RPH3A: variants seen among roughly 807,000 people sequenced by gnomAD.
RPH3A encodes the protein rabphilin 3A.
A neutral mutation model predicts 102.2 loss-of-function variants in RPH3A; 48 were observed. The observed-to-expected ratio is 0.47, with a 90% CI of 0.37 to 0.60. The LOEUF is 0.60. Ranked by LOEUF, RPH3A falls within the 20% of genes least tolerant of loss-of-function variation. The pLI, the probability that RPH3A is intolerant of heterozygous loss-of-function variation, is 0.00. For synonymous variants in RPH3A, 310 were observed against 324.3 expected, an observed-to-expected ratio of 0.96 and a Z score of 0.47; for missense variants, 781 against 910.1, an observed-to-expected ratio of 0.86 and a Z score of 1.83.
At chr12:112,656,486 G>A (rs1184231468) in intron 1 of RPH3A, among the ~76,000 whole-genome samples, 3 of 152,114 alleles carry the variant, frequency 2.0e-5, no homozygotes, top group Non-Finnish European at 2.9e-5. Context: ...ATTGTGTAAT[G>A]GTGAGGTTTG....
At chr12:112,749,895 T>C (rs1276813400) in intron 1 of RPH3A, among the ~76,000 whole-genome samples, 1 of 152,198 alleles carries the variant, frequency 6.6e-6, no homozygotes, top group Non-Finnish European at 1.5e-5. Context: ...GTTTTTGTTT[T>C]TTTTGTTTTT....
At chr12:112,868,153 T>C (rs2042642956) in intron 7 of RPH3A, 1 of 348,008 alleles carries the variant, frequency 2.9e-6, no homozygotes, top group Non-Finnish European at 5.2e-6. Context: ...TCTAGCTGTG[T>C]ACTATTGGAC....
At chr12:112,698,911 C>T (rs1368426217) in intron 1 of RPH3A, among the ~76,000 whole-genome samples, 2 of 148,652 alleles carry the variant, frequency 1.3e-5, no homozygotes, top group African/African-American at 5.0e-5. Context: ...TCCTCCTCCC[C>T]CTCCTCCCCC....
chr12:112,841,349 A>G (rs1229779295), intron 4 of RPH3A, among the ~76,000 whole-genome samples: 2 of 151,830 alleles, frequency 1.3e-5, no homozygotes, highest in Non-Finnish European at 2.9e-5. Flanking sequence ...GGGAGATAGA[A>G]CGTGAGATTG....
chr12:112,719,827 A>G (rs565626872), intron 1 of RPH3A, among the ~76,000 whole-genome samples: 29 of 152,344 alleles, frequency 1.9e-4, no homozygotes, highest in Non-Finnish European at 3.2e-4. Context: ...TACTGATAGA[A>G]GCCATATTAG....
chr12:112,780,787 A>G (rs976768901), intron 1 of RPH3A, among the ~76,000 whole-genome samples: 6 of 152,156 alleles, frequency 3.9e-5, no homozygotes, highest in African/African-American at 1.4e-4. Flanking sequence ...CAGAATGGCC[A>G]ACAAGGAGAC....
chr12:112,663,531 A>AT (rs1250145582), intron 1 of RPH3A, among the ~76,000 whole-genome samples: 1 of 151,884 alleles, frequency 6.6e-6, no homozygotes, highest in East Asian at 1.9e-4. Context: ...TATTATTATT[A>AT]TTTTTTATAG....
intron 1 of RPH3A, among the ~76,000 whole-genome samples, chr12:112,602,243 T>C (rs2039564640): frequency 6.6e-6 from 1 of 152,184 alleles, no homozygotes; most frequent in African/African-American, 2.4e-5. Context: ...TTTAACCTTC[T>C]TTAATCCCCA....
intron 1 of RPH3A, among the ~76,000 whole-genome samples, chr12:112,638,328 G>A (rs549933381): frequency 2.0e-5 from 3 of 152,238 alleles, no homozygotes; most frequent in Non-Finnish European, 4.4e-5. Flanking sequence ...CCCAGCCTCA[G>A]GTATTCCTGT....
At position 112,876,865 on chromosome 12, in the gene RPH3A, A is replaced by G. The variant is rs749317296; in HGVS notation, c.1170A>G (p.Ala390=). 15 of 1,592,510 alleles carry G rather than the reference A, an allele frequency of 9.4e-6. No homozygotes were observed. In the East Asian group the frequency reaches 3.2e-4, roughly 33 times the overall value. Residue 390 remains alanine, a splice_region_variant and synonymous_variant, in exon 13 of 22, where the codon GCA becomes GCG. Transcript: ENST00000389385. ...CCAACAGCTACGATTCGGATGAAGC[A>G]AGTAGGTGGTGCCTAAGGGAGAGGT... ...EEANSYDSDE[A]TTLGALEFSL... is the part of the protein sequence containing the mutation.
At chr12:112,884,713 G>A (rs1482683779) in intron 16 of RPH3A, among the ~76,000 whole-genome samples, 4 of 152,166 alleles carry the variant, frequency 2.6e-5, no homozygotes, top group Non-Finnish European at 5.9e-5. Flanking sequence ...CCAATTGGCT[G>A]CAACATTATT....
intron 1 of RPH3A, among the ~76,000 whole-genome samples, chr12:112,637,413 C>T (rs1377714956): frequency 6.6e-6 from 1 of 152,142 alleles, no homozygotes; most frequent in Non-Finnish European, 1.5e-5. Flanking sequence ...CTTCCTACCT[C>T]CTCCCAGACA....
At chr12:112,587,244 T>G (rs966557963) in intron 1 of RPH3A, among the ~76,000 whole-genome samples, 5 of 152,222 alleles carry the variant, frequency 3.3e-5, no homozygotes, top group Non-Finnish European at 2.9e-5. Flanking sequence ...ACACTGAAAT[T>G]ATGAAATATT....
chr12:112,686,934 C>T (rs1250681709), intron 1 of RPH3A, among the ~76,000 whole-genome samples: 3 of 152,012 alleles, frequency 2.0e-5, no homozygotes, highest in African/African-American at 7.2e-5. Context: ...AAGTTTGCGA[C>T]ACCGTCTCTG....
At chr12:112,836,410 C>T in intron 3 of RPH3A, 81 bp from the exon 4 acceptor site, 1 of 772,914 alleles carries the variant, frequency 1.3e-6, no homozygotes, top group South Asian at 2.1e-5. Flanking sequence ...AGTGTTGCAT[C>T]CAGACAGTGT....
At chr12:112,655,501 C>T (rs1358339085) in intron 1 of RPH3A, among the ~76,000 whole-genome samples, 2 of 145,938 alleles carry the variant, frequency 1.4e-5, no homozygotes, top group African/African-American at 5.0e-5. Flanking sequence ...GTCCGGTCTT[C>T]AATCTAGGTC....
At chr12:112,734,256 G>A (rs1050529164) in intron 1 of RPH3A, among the ~76,000 whole-genome samples, 2 of 152,154 alleles carry the variant, frequency 1.3e-5, no homozygotes, top group Non-Finnish European at 2.9e-5. Context: ...CAGTGTTCAG[G>A]ACAATAACAT....
chr12:112,756,909 C>G (rs2040826642), intron 1 of RPH3A, among the ~76,000 whole-genome samples: 1 of 152,186 alleles, frequency 6.6e-6, no homozygotes, highest in African/African-American at 2.4e-5. Context: ...TATTATTAAC[C>G]TTTCCAATTT....
Position 112,678,278 on chromosome 12 carries a change from AAAGAAAGAAAGAAAGAAAGAAAG to A in RPH3A, c.-140+102962_-140+102984del, listed in dbSNP as rs2040197672. On this transcript the variant is annotated intron_variant, in intron 1 of 21. Coordinates refer to the RPH3A transcript ENST00000543106. ...GAAAGAAAGAAAGAAAGAAAGAAAGAAAGAAAGAAAGAAAGAAAGAAAGAAAGAGAGAGAGAGAGAAAGAAAGA... is the reference window on the plus strand; with the variant it reads ...GAAAGAAAGAAAGAAAGAAAGAAAGAAAAGAGAGAGAGAGAGAAAGAAAGA... 2.4e-5 allele frequency among the ~76,000 whole-genome samples: 2 copies of A among 82,352 alleles called. 1 individual carries two copies. Among genetic ancestry groups the A allele is most frequent in the Non-Finnish European group, 4.7e-5 (2 of 42,254 alleles). 54.0% of individuals were successfully genotyped at this position (82,352 alleles called of 152,430 possible). A position where few individuals can be genotyped will look rare whatever the true frequency, so the allele number is the denominator to read the frequency against.
Sources: allele counts gnomAD v4.1 joint callset (sites outside exome capture counted in the v4.1 genomes callset), GRCh38; gene constraint gnomAD v4.1.1; transcripts MANE v1.5; gene names NCBI Gene and HGNC (gene_info 2026-07-23, HGNC 2026-07-21).